RANBP1: variants seen among roughly 807,000 people sequenced by gnomAD.
RANBP1 encodes the protein ran-specific GTPase-activating protein.
RANBP1 carries 16 observed loss-of-function variants against 31.4 expected under a neutral mutation model. That is an observed-to-expected ratio of 0.51 (90% CI 0.34 to 0.77). The LOEUF is 0.77. Ranked by LOEUF, RANBP1 falls within the 30% of genes least tolerant of loss-of-function variation. The pLI, the probability that RANBP1 is intolerant of heterozygous loss-of-function variation, is 0.01. For missense variants in RANBP1, 265 were observed against 362.0 expected, an observed-to-expected ratio of 0.73 and a Z score of 2.17; for synonymous variants, 129 against 140.5, an observed-to-expected ratio of 0.92 and a Z score of 0.58.
chr22:20,120,099 C>T (rs2050142126), intron 2 of RANBP1, among the ~76,000 whole-genome samples: 1 of 152,212 alleles, frequency 6.6e-6, no homozygotes, highest in Non-Finnish European at 1.5e-5. Flanking sequence ...ATGGAATCCC[C>T]CCATCCTTGA....
At chr22:20,117,158 C>T in intron 1 of RANBP1, 2 of 557,916 alleles carry the variant, frequency 3.6e-6, no homozygotes, top group South Asian at 2.8e-5. Flanking sequence ...CAGGGGCCCG[C>T]GCCGGCCGCT....
chr22:20,117,566 G>A, intron 1 of RANBP1: 4 of 1,413,054 alleles, frequency 2.8e-6, no homozygotes, highest in Admixed American at 2.7e-5. Flanking sequence ...CAGACGCGGA[G>A]GGAAGGAGCT....
At chr22:20,126,266 C>T (rs776927838) in intron 4 of RANBP1, 37 bp from the exon 5 acceptor site, 5 of 1,599,144 alleles carry the variant, frequency 3.1e-6, no homozygotes, top group East Asian at 2.2e-5. Context: ...TTCCACTGCT[C>T]ACAGCTCTTA....
chr22:20,121,120 A>AT (rs1043746136), intron 2 of RANBP1, among the ~76,000 whole-genome samples: 5 of 151,954 alleles, frequency 3.3e-5, no homozygotes, highest in Admixed American at 6.6e-5. Flanking sequence ...TGCCTGGCTG[A>AT]TTTTTTGTAT....
At chr22:20,120,240 G>C (rs1417395982) in intron 2 of RANBP1, among the ~76,000 whole-genome samples, 1 of 152,238 alleles carries the variant, frequency 6.6e-6, no homozygotes, top group Non-Finnish European at 1.5e-5. Flanking sequence ...AAGGAGAGCT[G>C]TGTGTCACCC....
At chr22:20,118,066 G>T in intron 1 of RANBP1, 2 of 996,840 alleles carry the variant, frequency 2.0e-6, no homozygotes, top group South Asian at 9.4e-5. Context: ...TCATTCATTC[G>T]GTTCTTACGT....
chr22:20,122,353 A>G lies in RANBP1; in HGVS notation c.473A>G (p.Lys158Arg). Residue 158 changes from lysine to arginine, a missense_variant, in exon 3 of 6, where the codon AAG becomes AGG. Physicochemically the swap from Lys to Arg is conservative, Grantham distance 26. This residue lies in a region of RANBP1 where 90 missense variants were observed against 190.5 expected (regional missense o/e 0.47). Coordinates refer to ENST00000430524, the MANE Select transcript of RANBP1 (RefSeq NM_001278639.2). Reference sequence around the variant, plus strand: ...GGTGACGTCAAGCTCCTGAAGCACAAGGAGAAAGGGGCCATCCGCCTCCTC... The same window carrying G: ...GGTGACGTCAAGCTCCTGAAGCACAGGGAGAAAGGGGCCATCCGCCTCCTC... ...GTGDVKLLKH[K>R]EKGAIRLLMR... is the part of the protein sequence containing the mutation. 3.1e-6 allele frequency: 5 copies of G among 1,613,160 alleles called. No homozygotes were observed. The highest frequency in any genetic ancestry group is 4.2e-6 in the Non-Finnish European group (5 of 1,179,994).
rs764264377 is a variant in RANBP1 at position 20,119,069 on chromosome 22, C to T, written c.303C>T (p.Asp101=). The T allele has an allele frequency of 1.3e-5, 21 of 1,612,404 alleles. No homozygotes were observed. In the East Asian group the frequency reaches 2.0e-4, roughly 15 times the overall value. Reference sequence around the variant, plus strand: ...AGAATACAGACGAGTCCAACCATGACCCTCAGTTTGAGCCAATAGTTTCTC... The same window carrying T: ...AGAATACAGACGAGTCCAACCATGATCCTCAGTTTGAGCCAATAGTTTCTC... ...STENTDESNH[D]PQFEPIVSLP... is the part of the protein sequence containing the mutation. The change falls in exon 2 of 6, where the codon GAC becomes GAT. Residue 101 remains aspartate (D), a synonymous_variant. Coordinates refer to ENST00000430524, the MANE Select transcript of RANBP1 (RefSeq NM_001278639.2).
intron 4 of RANBP1, chr22:20,125,707 C>T: frequency 7.7e-7 from 1 of 1,302,734 alleles, no homozygotes; most frequent in Non-Finnish European, 9.9e-7. Flanking sequence ...TTGGTTTGCT[C>T]TCCAAGCTCC....
At chr22:20,117,427 T>G in intron 1 of RANBP1, 1 of 1,192,164 alleles carries the variant, frequency 8.4e-7, no homozygotes. Flanking sequence ...ACAATGAGAG[T>G]GTCCGCCTCC....
chr22:20,117,655 GGCC>G, intron 1 of RANBP1: 1 of 1,176,186 alleles, frequency 8.5e-7, no homozygotes, highest in Non-Finnish European at 1.0e-6. Context: ...CCCCCATGGC[GGCC>G]GCCAAGGTGC....
intron 3 of RANBP1, 170 bp from the exon 4 acceptor site, chr22:20,125,138 A>C (rs2050267190): frequency 2.9e-6 from 2 of 686,474 alleles, no homozygotes; most frequent in African/African-American, 1.9e-5. Flanking sequence ...TTTGAATAAA[A>C]CTCAGGCGCC....
chr22:20,117,554 G>T (rs1207749372), intron 1 of RANBP1: 12 of 1,408,670 alleles, frequency 8.5e-6, no homozygotes, highest in Non-Finnish European at 1.1e-5. Context: ...AGGCGCCGGC[G>T]CCAGACGCGG....
chr22:20,126,658 G>A, intron 5 of RANBP1: 1 of 1,512,362 alleles, frequency 6.6e-7, no homozygotes, highest in African/African-American at 1.4e-5. Flanking sequence ...TCTCTCAGAG[G>A]GCTTGGTCAC....
chr22:20,116,741 T>C (rs545111060), intron 1 of RANBP1: 29 of 1,369,554 alleles, frequency 2.1e-5, no homozygotes, highest in Non-Finnish European at 2.8e-5. Flanking sequence ...TCCCCCAGTC[T>C]ACCCTCCCGA....
At chr22:20,122,608 C>A (rs1482288081) in intron 3 of RANBP1, 187 bp downstream of exon 3, 19 of 1,528,072 alleles carry the variant, frequency 1.2e-5, no homozygotes, top group Admixed American at 2.0e-5. Context: ...AGCAGGCCCG[C>A]AGCGAAGCTT....
intron 3 of RANBP1, chr22:20,124,909 G>A (rs1273954672): frequency 3.9e-6 from 1 of 253,544 alleles, no homozygotes; most frequent in Non-Finnish European, 7.7e-6. Flanking sequence ...GAATCAAGGG[G>A]ATCAGGGTTG....
Position 20,127,135 on chromosome 22 carries a change from TTTA to T in RANBP1, c.*86_*88del, listed in dbSNP as rs2050318647. ...CCCTGCCCCTCTTTTTCGGTTTGTT[TTTA>T]TTCTTTCATTTTTACAAGGGACGTT... On this transcript the variant is annotated 3_prime_UTR_variant, in exon 6 of 6. Coordinates refer to ENST00000430524, the MANE Select transcript of RANBP1 (RefSeq NM_001278639.2). 1.7e-6 allele frequency: 2 copies of T among 1,189,518 alleles called. No homozygotes were observed. The highest frequency in any genetic ancestry group is 3.0e-5 in the South Asian group (2 of 66,430). The allele number at this position is 1,189,518 out of a possible 1,614,324, so 73.7% of individuals were successfully genotyped here.
chr22:20,126,250 T>C (rs2050294530), intron 4 of RANBP1, 53 bp from the exon 5 acceptor site: 1 of 1,576,654 alleles, frequency 6.3e-7, no homozygotes, highest in South Asian at 1.2e-5. Flanking sequence ...CGGCAGGGCA[T>C]GTCTCTTCCA....
Sources: gnomAD v4.1 joint callset for allele counts (sites outside exome capture counted in the v4.1 genomes callset) on GRCh38, gnomAD v4.1.1 for gene constraint, gnomAD v4.1.1 regional missense constraint, MANE v1.5 for transcripts, NCBI Gene and HGNC (gene_info 2026-07-23, HGNC 2026-07-21) for gene names.